ZFHX3: variants seen among roughly 807,000 people sequenced by gnomAD.
ZFHX3 encodes the protein zinc finger homeobox 3.
A neutral mutation model predicts 279.1 loss-of-function variants in ZFHX3; 42 were observed. That is an observed-to-expected ratio of 0.15 (90% confidence interval 0.12 to 0.19). The LOEUF is 0.19. Among genes scored for constraint, ZFHX3 ranks in the 10% least tolerant of loss-of-function variants. The pLI, the probability that ZFHX3 is intolerant of heterozygous loss-of-function variation, is 1.00. For synonymous variants in ZFHX3, 2,293 were observed against 1,957.8 expected (o/e 1.17, Z -4.52); for missense variants, 4,981 against 4,754.0 (o/e 1.05, Z -1.40).
chr16:72,892,968 G>A (rs1414479828), intron 3 of ZFHX3, among the ~76,000 whole-genome samples: 2 of 152,246 alleles, frequency 1.3e-5, no homozygotes, highest in East Asian at 3.9e-4. Flanking sequence ...AGATGAGCTA[G>A]CCCACGTCCC....
intron 4 of ZFHX3, among the ~76,000 whole-genome samples, chr16:72,885,934 A>T (rs2144050235): frequency 1.3e-5 from 2 of 152,310 alleles, no homozygotes; most frequent in Middle Eastern, 6.8e-3. Flanking sequence ...TTTCTAGCTG[A>T]AAAATCATGT....
At chr16:73,443,552 C>T (rs781354693) in intron 3 of ZFHX3, among the ~76,000 whole-genome samples, 7 of 152,128 alleles carry the variant, frequency 4.6e-5, no homozygotes, top group Non-Finnish European at 7.4e-5. Flanking sequence ...TATGTCTTAC[C>T]CAAATCTCTT....
intron 5 of ZFHX3, among the ~76,000 whole-genome samples, chr16:73,244,935 T>A (rs760473959): frequency 1.3e-5 from 2 of 152,046 alleles, no homozygotes; most frequent in African/African-American, 4.8e-5. Context: ...TGGGGGAGAT[T>A]TGGAGCAGAA....
chr16:73,041,139 C>T (rs1049895666), intron 1 of ZFHX3, among the ~76,000 whole-genome samples: 2 of 152,196 alleles, frequency 1.3e-5, no homozygotes, highest in Non-Finnish European at 2.9e-5. Context: ...CTGTTTTATT[C>T]TGTAATTATT....
intron 1 of ZFHX3, among the ~76,000 whole-genome samples, chr16:73,057,374 C>T (rs1007261433): frequency 6.6e-5 from 10 of 152,066 alleles, no homozygotes; most frequent in African/African-American, 2.2e-4. Flanking sequence ...ATTATATACA[C>T]TGCATGAAAT....
intron 1 of ZFHX3, among the ~76,000 whole-genome samples, chr16:73,020,127 G>A (rs1178646080): frequency 6.6e-6 from 1 of 152,128 alleles, no homozygotes; most frequent in East Asian, 1.9e-4. Flanking sequence ...ATGACTGTGG[G>A]AAAGGCCACT....
intron 3 of ZFHX3, among the ~76,000 whole-genome samples, chr16:73,435,479 G>A (rs1597334668): frequency 6.6e-6 from 1 of 152,260 alleles, no homozygotes; most frequent in Non-Finnish European, 1.5e-5. Flanking sequence ...CAAAGTGCTG[G>A]GATTACAGGT....
chr16:73,248,810 T>C (rs1265011735), intron 5 of ZFHX3, among the ~76,000 whole-genome samples: 1 of 151,988 alleles, frequency 6.6e-6, no homozygotes, highest in Non-Finnish European at 1.5e-5. Flanking sequence ...ATATTGAAGT[T>C]TTTTTTTAAT....
chr16:73,541,586 G>C (rs375896058), intron 2 of ZFHX3, among the ~76,000 whole-genome samples: 4 of 152,004 alleles, frequency 2.6e-5, no homozygotes, highest in Non-Finnish European at 5.9e-5. Flanking sequence ...TGACCTAGAG[G>C]CTCCAAAAAT....
intron 1 of ZFHX3, among the ~76,000 whole-genome samples, chr16:73,860,578 G>A (rs915198408): frequency 1.7e-4 from 26 of 152,066 alleles, no homozygotes; most frequent in African/African-American, 4.6e-4. Flanking sequence ...TGTCTACTAC[G>A]CCAATTCTCA....
At chr16:73,252,359 G>A (rs916225574) in intron 5 of ZFHX3, among the ~76,000 whole-genome samples, 10 of 152,198 alleles carry the variant, frequency 6.6e-5, no homozygotes, top group African/African-American at 2.4e-4. Context: ...TAGTGGCATG[G>A]GGACGGAGAA....
At chr16:73,386,193 C>CGTCTCTGTCTCT (rs148619282) in intron 3 of ZFHX3, among the ~76,000 whole-genome samples, 2 of 151,564 alleles carry the variant, frequency 1.3e-5, no homozygotes, top group Non-Finnish European at 2.9e-5. Context: ...TCTCTCCCAC[C>CGTCTCTGTCTCT]GTCTCTGTCT....
intron 2 of ZFHX3, among the ~76,000 whole-genome samples, chr16:73,586,805 ATAGT>A (rs1016605393): frequency 6.6e-6 from 1 of 152,176 alleles, no homozygotes; most frequent in African/African-American, 2.4e-5. Flanking sequence ...ACCACATGAA[ATAGT>A]TAGTATTAGA....
chr16:72,902,640 G>A (rs558863246), intron 3 of ZFHX3, among the ~76,000 whole-genome samples: 2 of 152,328 alleles, frequency 1.3e-5, no homozygotes. Flanking sequence ...CCAGCAGAGT[G>A]GAGGACACCA....
At chr16:73,455,821 G>A (rs554300293) in intron 3 of ZFHX3, among the ~76,000 whole-genome samples, 2 of 151,290 alleles carry the variant, frequency 1.3e-5, no homozygotes, top group South Asian at 4.2e-4. Context: ...GTTGGAGTGA[G>A]GGGGCCCAAT....
intron 2 of ZFHX3, among the ~76,000 whole-genome samples, chr16:73,456,899 C>T (rs958518903): frequency 1.3e-5 from 2 of 152,138 alleles, no homozygotes; most frequent in Non-Finnish European, 2.9e-5. Flanking sequence ...AATTATATTC[C>T]GAGCAAAATA....
intron 1 of ZFHX3, among the ~76,000 whole-genome samples, chr16:73,782,591 G>A (rs1192817433): frequency 6.6e-6 from 1 of 152,182 alleles, no homozygotes; most frequent in Admixed American, 6.5e-5. Context: ...GCTGCCCACT[G>A]ATTATCTGTG....
At chr16:73,804,930 G>T (rs983631016) in intron 1 of ZFHX3, among the ~76,000 whole-genome samples, 7 of 127,066 alleles carry the variant, frequency 5.5e-5, no homozygotes, top group African/African-American at 1.4e-4. Flanking sequence ...GAGAGGGAGG[G>T]AGGGAGAGAG....
chr16:73,341,749 T>C (rs537081708), intron 3 of ZFHX3, among the ~76,000 whole-genome samples: 3 of 152,280 alleles, frequency 2.0e-5, no homozygotes, highest in South Asian at 2.1e-4. Flanking sequence ...TGGAATACTA[T>C]TGGGTCATAA....
Sources: allele counts gnomAD v4.1 joint callset (sites outside exome capture counted in the v4.1 genomes callset), GRCh38; gene constraint gnomAD v4.1.1; transcripts MANE v1.5; gene names NCBI Gene and HGNC (gene_info 2026-07-23, HGNC 2026-07-21).